Variants in SENP6 observed in about 807,000 individuals in gnomAD.
The protein encoded by SENP6 is sentrin-specific protease 6.
In SENP6, 41 loss-of-function variants were observed where a neutral mutation model predicts 134.5. The ratio of observed to expected loss-of-function variants is 0.30; its 90% CI spans 0.24 to 0.40. The LOEUF (loss-of-function observed/expected upper bound fraction) is 0.40. Among genes scored for constraint, SENP6 ranks in the 10% least tolerant of loss-of-function variants. The pLI is 1.00. For synonymous variants in SENP6, 395 were observed against 429.8 expected, an observed-to-expected ratio of 0.92 and a Z score of 1.00; for missense variants, 1,248 against 1,312.5, an observed-to-expected ratio of 0.95 and a Z score of 0.76.
At chr6:75,713,253 G>A (rs1467915105) in intron 21 of SENP6, among the ~76,000 whole-genome samples, 1 of 151,916 alleles carries the variant, frequency 6.6e-6, no homozygotes, top group East Asian at 1.9e-4. Flanking sequence ...CAGAATTTTA[G>A]TATAAAATAT....
chr6:75,715,054 C>G (rs1394932636), intron 23 of SENP6, among the ~76,000 whole-genome samples: 1 of 152,130 alleles, frequency 6.6e-6, no homozygotes, highest in Non-Finnish European at 1.5e-5. Flanking sequence ...TCTATTGCCT[C>G]TTAGTTCTGC....
intron 10 of SENP6, among the ~76,000 whole-genome samples, chr6:75,668,259 C>G (rs1772400474): frequency 6.6e-6 from 1 of 152,068 alleles, no homozygotes; most frequent in Admixed American, 6.6e-5. Context: ...GAATGCCTTT[C>G]CCACATGGTA....
At position 75,686,105 on chromosome 6, in the gene SENP6, ATAGT is replaced by A. The variant is rs1002126300; in HGVS notation, c.2075+7184_2075+7187del. Among the ~76,000 whole-genome samples the A allele has an allele frequency of 5.9e-5, 9 of 152,120 alleles. 1 individual carries two copies. Among genetic ancestry groups the A allele is most frequent in the South Asian group, 2.1e-4 (1 of 4,826 alleles). On this transcript the variant is annotated intron_variant, in intron 16 of 23. Coordinates refer to ENST00000447266, the MANE Select transcript of SENP6 (RefSeq NM_015571.4). ...TGTATTGGGTGCATATATATTTAGG[ATAGT>A]TAGTTCTTCTTATTGAATTGATCCC...
At chr6:75,689,436 AAAT>A (rs1202530201) in intron 16 of SENP6, among the ~76,000 whole-genome samples, 1 of 152,160 alleles carries the variant, frequency 6.6e-6, no homozygotes, top group Non-Finnish European at 1.5e-5. Flanking sequence ...AAAAAACAGA[AAAT>A]AAGTGTTGAT....
Position 75,702,675 on chromosome 6 carries a change from C to A in SENP6, c.2319C>A (p.Phe773Leu). Residue 773 changes from phenylalanine (F) to leucine (L), a missense_variant, in exon 19 of 24, where the codon TTC (phenylalanine) becomes TTA (leucine). Coordinates refer to ENST00000447266, the MANE Select transcript of SENP6 (RefSeq NM_015571.4). ...ACTGGTTTTTGGCTGTTGTTTGTTT[C>A]CCCGGTTTGGAAAAACCAAAGTATG... Reference protein sequence around the residue: ...AAHWFLAVVCFPGLEKPKYEP... With the variant: ...AAHWFLAVVCLPGLEKPKYEP... The A allele has an allele frequency of 6.3e-7, 1 of 1,598,022 alleles. No homozygotes were observed. Among genetic ancestry groups the A allele is most frequent in the Non-Finnish European group, 8.5e-7 (1 of 1,171,718 alleles).
chr6:75,656,208 C>G (rs529184356), intron 7 of SENP6, among the ~76,000 whole-genome samples: 23 of 57,324 alleles, frequency 4.0e-4, no homozygotes, highest in Admixed American at 3.5e-3. Flanking sequence ...AGCAAGACTC[C>G]GTCTCAAAAA....
chr6:75,618,598 G>T (rs1554158442), intron 1 of SENP6, among the ~76,000 whole-genome samples: 1 of 152,172 alleles, frequency 6.6e-6, no homozygotes, highest in Non-Finnish European at 1.5e-5. Flanking sequence ...AGGTGTGTTT[G>T]TTGCTACTGG....
chr6:75,654,730 G>A (rs753872294), intron 7 of SENP6, among the ~76,000 whole-genome samples: 30 of 152,158 alleles, frequency 2.0e-4, no homozygotes, highest in African/African-American at 2.4e-4. Flanking sequence ...ATTTTTCAGC[G>A]TATTAGTAGT....
intron 16 of SENP6, among the ~76,000 whole-genome samples, chr6:75,689,331 A>G (rs894046801): frequency 1.3e-5 from 2 of 152,228 alleles, no homozygotes; most frequent in African/African-American, 4.8e-5. Flanking sequence ...AAGATGCTCA[A>G]CATCAGTAAT....
In SENP6 at chr6:75,666,723, A is replaced by G; in HGVS notation, c.1006A>G (p.Ser336Gly). Residue 336 changes from serine to glycine, a missense_variant, in exon 10 of 24, where the codon AGT (serine) becomes GGT (glycine). Around this residue, in one of 3 missense-constraint regions of SENP6, gnomAD observed 733 missense variants for 725.4 expected, o/e 1.01. Transcript: ENST00000447266. ...TAAAATACTTTTAGTCATTTTGTCC[A>G]GTGATGATGATGATGACAACGACAG... ...SDLNDPIILS[S>G]DDDDDNDRTN... 6.6e-7 allele frequency: 1 copy of G among 1,519,912 alleles called. No homozygotes were observed. The highest frequency in any genetic ancestry group is 8.9e-7 in the Non-Finnish European group (1 of 1,120,148). 94.2% of individuals were successfully genotyped at this position (1,519,912 alleles called of 1,614,324 possible). A position where few individuals can be genotyped will look rare whatever the true frequency, so the allele number is the denominator to read the frequency against.
At chr6:75,624,352 T>A (rs941045770) in intron 3 of SENP6, among the ~76,000 whole-genome samples, 1 of 152,224 alleles carries the variant, frequency 6.6e-6, no homozygotes, top group African/African-American at 2.4e-5. Context: ...TTGTCAACTT[T>A]TTAATTTTTT....
chr6:75,656,331 C>T (rs1330907524), intron 7 of SENP6, among the ~76,000 whole-genome samples: 1 of 151,972 alleles, frequency 6.6e-6, no homozygotes, highest in Non-Finnish European at 1.5e-5. Context: ...CTTTCTCATC[C>T]CTGTAAGAGG....
At chr6:75,666,401 G>A (rs1407111084) in intron 9 of SENP6, among the ~76,000 whole-genome samples, 2 of 150,350 alleles carry the variant, frequency 1.3e-5, no homozygotes, top group African/African-American at 4.9e-5. Flanking sequence ...TAGACCTACT[G>A]TTCTTCTTGT....
chr6:75,686,895 AG>A lies in SENP6; in HGVS notation c.2075+7969del, dbSNP rs1440746500. 2.6e-5 allele frequency among the ~76,000 whole-genome samples: 4 copies of A among 152,168 alleles called. No individual in the cohort carries two copies. In the East Asian group the frequency reaches 7.7e-4, roughly 29 times the overall value. On this transcript the variant is annotated intron_variant, in intron 16 of 23. Coordinates refer to ENST00000447266, the MANE Select transcript of SENP6 (RefSeq NM_015571.4). ...TGGCTTGGAGTTGCTCTTCTCAAGG[AG>A]TATCTTTGTGGTGTTCTCTGCATTT... is the stretch of plus-strand genomic sequence containing the variant.
In SENP6 at chr6:75,717,087, ACT is replaced by A. The variant is rs1027609773; in HGVS notation, c.*1496_*1497del. The stretch of plus-strand genomic sequence containing the variant: ...TTACTTTGAACTATATTTCTGATTA[ACT>A]CTTTATAGTAATAACTTAGAGCTGT... On this transcript the variant is annotated 3_prime_UTR_variant, in exon 24 of 24. Coordinates refer to ENST00000447266, the MANE Select transcript of SENP6 (RefSeq NM_015571.4). The A allele has an allele frequency of 1.1e-3, 168 of 152,070 alleles. No individual in the cohort carries two copies. The highest frequency in any genetic ancestry group is 3.8e-3 in the African/African-American group (159 of 41,546). The allele number at this position is 152,070 out of a possible 1,614,324, so 9.4% of individuals were successfully genotyped here.
intron 1 of SENP6, among the ~76,000 whole-genome samples, chr6:75,618,950 C>T (rs1458933963): frequency 2.0e-5 from 3 of 146,432 alleles, no homozygotes; most frequent in Admixed American, 6.8e-5. Context: ...TTTTTTTTTT[C>T]AGGCTTGCAT....
chr6:75,608,963 T>A (rs1180718075), intron 1 of SENP6, among the ~76,000 whole-genome samples: 3 of 152,262 alleles, frequency 2.0e-5, no homozygotes, highest in African/African-American at 7.2e-5. Context: ...AGATATTAGC[T>A]GATTTTGACC....
intron 7 of SENP6, chr6:75,655,344 A>G (rs1771235761): frequency 6.6e-6 from 1 of 152,220 alleles, no homozygotes; most frequent in Non-Finnish European, 1.5e-5. Context: ...CATAAATCTT[A>G]AGTATATAAA....
intron 16 of SENP6, among the ~76,000 whole-genome samples, chr6:75,684,289 G>A (rs1439904162): frequency 6.6e-6 from 1 of 152,202 alleles, no homozygotes; most frequent in East Asian, 1.9e-4. Flanking sequence ...AGCATAAGGA[G>A]ATTTTGGGCT....
Sources: allele counts gnomAD v4.1 joint callset (sites outside exome capture counted in the v4.1 genomes callset), GRCh38; gene constraint gnomAD v4.1.1; regional missense constraint gnomAD v4.1.1; transcripts MANE v1.5; gene names NCBI Gene and HGNC (gene_info 2026-07-23, HGNC 2026-07-21).